The following BLTP3A variants were observed in gnomAD, a reference collection of about 807,000 sequenced individuals.
BLTP3A encodes the protein bridge-like lipid transfer protein family member 3A, also known as ICBP90 binding protein 1.
At chr6:34,829,166 G>A in the BLTP3A span, among the ~76,000 whole-genome samples, 13 of 151,368 alleles carry the variant, frequency 8.6e-5, no homozygotes, top group East Asian at 2.1e-3. Flanking sequence ...GGTTTTTACT[G>A]TATTCACTGG....
the BLTP3A span, among the ~76,000 whole-genome samples, chr6:34,831,408 A>T: frequency 2.0e-5 from 3 of 152,194 alleles, no homozygotes; most frequent in African/African-American, 7.2e-5. Flanking sequence ...GATTACAGGC[A>T]TGAACCACTG....
the BLTP3A span, chr6:34,872,530 G>A: frequency 6.9e-7 from 1 of 1,444,100 alleles, no homozygotes; most frequent in Non-Finnish European, 9.1e-7. Flanking sequence ...TGCTGAATAA[G>A]TCACTACGGA....
the BLTP3A span, among the ~76,000 whole-genome samples, chr6:34,825,446 T>C: frequency 5.9e-5 from 9 of 152,204 alleles, no homozygotes; most frequent in African/African-American, 2.2e-4. Context: ...TAGCTGGGAT[T>C]ACAGGCATGC....
At chr6:34,833,923 A>C in the BLTP3A span, among the ~76,000 whole-genome samples, 3 of 145,846 alleles carry the variant, frequency 2.1e-5, no homozygotes, top group Non-Finnish European at 3.0e-5. Flanking sequence ...TCCGTCTCAA[A>C]AAAAAAAAAA....
chr6:34,860,863 T>C, the BLTP3A span, among the ~76,000 whole-genome samples: 1 of 151,902 alleles, frequency 6.6e-6, no homozygotes, highest in African/African-American at 2.4e-5. Context: ...AAAAGAAAGG[T>C]GTGTGAAATG....
the BLTP3A span, among the ~76,000 whole-genome samples, chr6:34,865,353 C>T: frequency 3.9e-5 from 6 of 152,326 alleles, no homozygotes; most frequent in South Asian, 4.1e-4. Context: ...GATTCATCTA[C>T]GTTATCACAA....
chr6:34,862,755 AC>A, the BLTP3A span, among the ~76,000 whole-genome samples: 1 of 148,820 alleles, frequency 6.7e-6, no homozygotes, highest in Non-Finnish European at 1.5e-5. Context: ...AATTGCTTGA[AC>A]CCAGGAGGTG....
At chr6:34,846,213 C>G in the BLTP3A span, among the ~76,000 whole-genome samples, 7 of 150,290 alleles carry the variant, frequency 4.7e-5, no homozygotes, top group Non-Finnish European at 1.0e-4. Flanking sequence ...GGCGCAATCT[C>G]AGCTCACTGC....
At chr6:34,857,353 A>G in the BLTP3A span, 1 of 1,613,304 alleles carries the variant, frequency 6.2e-7, no homozygotes, top group Non-Finnish European at 8.5e-7. Flanking sequence ...ACAGCCAAGT[A>G]AAAAGCCATC....
the BLTP3A span, among the ~76,000 whole-genome samples, chr6:34,838,977 A>T: frequency 2.0e-5 from 3 of 152,234 alleles, no homozygotes; most frequent in Non-Finnish European, 4.4e-5. Flanking sequence ...AAGGCCGGGC[A>T]TGGTGGCTCA....
the BLTP3A span, chr6:34,857,449 C>T: frequency 6.2e-7 from 1 of 1,614,040 alleles, no homozygotes; most frequent in Non-Finnish European, 8.5e-7. Context: ...GTATTACTTC[C>T]CAGATAATCA....
chr6:34,872,432 G>T, the BLTP3A span: 1 of 1,607,818 alleles, frequency 6.2e-7, no homozygotes, highest in Non-Finnish European at 8.5e-7. Context: ...CCTTCTTTGA[G>T]CTCTGAAACC....
the BLTP3A span, among the ~76,000 whole-genome samples, chr6:34,839,431 G>T: frequency 2.0e-5 from 3 of 152,196 alleles, no homozygotes; most frequent in East Asian, 1.9e-4. Context: ...GTCCAATATA[G>T]TAGCCACTAA....
chr6:34,835,495 G>A, the BLTP3A span: 1 of 1,604,006 alleles, frequency 6.2e-7, no homozygotes, highest in Non-Finnish European at 8.5e-7. Flanking sequence ...CCTTAGTGGG[G>A]CTAGGGACTC....
At chr6:34,859,608 CCTT>C in the BLTP3A span, 2 of 1,606,416 alleles carry the variant, frequency 1.2e-6, no homozygotes, top group Non-Finnish European at 1.7e-6. Flanking sequence ...CATCCCATCT[CCTT>C]CTCCTAGTTC....
chr6:34,857,073 A>G, the BLTP3A span: 1 of 1,204,910 alleles, frequency 8.3e-7, no homozygotes, highest in Non-Finnish European at 1.1e-6. Context: ...TTTCTTTCTG[A>G]GCATGGCTGG....
At chr6:34,842,498 G>T in the BLTP3A span, among the ~76,000 whole-genome samples, 2 of 152,050 alleles carry the variant, frequency 1.3e-5, no homozygotes, top group Non-Finnish European at 2.9e-5. Flanking sequence ...TTAAAAATTG[G>T]TTTCGGGGGT....
At chr6:34,804,891 A>G in the BLTP3A span, among the ~76,000 whole-genome samples, 2 of 152,200 alleles carry the variant, frequency 1.3e-5, no homozygotes, top group South Asian at 2.1e-4. Context: ...TACTAGCTCT[A>G]TGACCTGGGC....
the BLTP3A span, among the ~76,000 whole-genome samples, chr6:34,836,688 A>C: frequency 1.3e-5 from 2 of 152,148 alleles, no homozygotes; most frequent in African/African-American, 4.8e-5. Context: ...GGCAATCCTG[A>C]TGCTTATCAG....
Sources: gnomAD v4.1 joint callset for allele counts (sites outside exome capture counted in the v4.1 genomes callset) on GRCh38, gnomAD v4.1.1 for gene constraint, MANE v1.5 for transcripts, NCBI Gene and HGNC (gene_info 2026-07-23, HGNC 2026-07-21) for gene names.